GALNT18: variants seen among roughly 807,000 people sequenced by gnomAD.
GALNT18 encodes the protein polypeptide N-acetylgalactosaminyltransferase 18.
Under a neutral mutation model 69.5 loss-of-function variants are expected in GALNT18, and 44 were observed. That is an observed-to-expected ratio of 0.63 (90% CI 0.50 to 0.81). GALNT18 has a LOEUF of 0.81. GALNT18 is among the 40% of genes least tolerant of loss of function. GALNT18 has a pLI of 0.00. For missense variants in GALNT18, 715 were observed against 810.0 expected (o/e 0.88, Z 1.42); for synonymous variants, 364 against 318.2 (o/e 1.14, Z -1.53).
In GALNT18 at chr11:11,421,161, A is replaced by ATG. The variant is rs1252191977; in HGVS notation, c.595+11458_595+11459dup. On this transcript the variant is annotated intron_variant, in intron 3 of 10. Coordinates refer to ENST00000227756, the MANE Select transcript of GALNT18 (RefSeq NM_198516.3). The surrounding 1 kb of genome is among the most constrained non-coding windows in gnomAD (Gnocchi z 5.6). Reference sequence around the variant, plus strand: ...TCGAGTAAAGGGGACAAGAGGAGTGATGAGCTACCCACACCACTGCCAGGC... The same window carrying ATG: ...TCGAGTAAAGGGGACAAGAGGAGTGATGTGAGCTACCCACACCACTGCCAGGC... Among the ~76,000 whole-genome samples, 1 of 152,106 alleles carries ATG rather than the reference A, an allele frequency of 6.6e-6. No individual in the cohort carries two copies. The highest frequency in any genetic ancestry group is 1.5e-5 in the Non-Finnish European group (1 of 68,016).
intron 9 of GALNT18, among the ~76,000 whole-genome samples, chr11:11,296,221 C>A (rs909897699): frequency 6.6e-6 from 1 of 152,152 alleles, no homozygotes; most frequent in South Asian, 2.1e-4. Context: ...GAAACAATGA[C>A]CCCAATCACA....
chr11:11,589,123 G>A (rs1043539408), intron 1 of GALNT18, among the ~76,000 whole-genome samples: 7 of 152,160 alleles, frequency 4.6e-5, no homozygotes, highest in African/African-American at 1.7e-4. Flanking sequence ...GACTCTGCTG[G>A]TTAGCTCTCT....
At chr11:11,453,498 T>A (rs1166125051) in intron 1 of GALNT18, among the ~76,000 whole-genome samples, 1 of 152,108 alleles carries the variant, frequency 6.6e-6, no homozygotes, top group Non-Finnish European at 1.5e-5. Context: ...GCAAACCCTA[T>A]CCTAAACATC....
intron 1 of GALNT18, among the ~76,000 whole-genome samples, chr11:11,574,279 G>T (rs573534787): frequency 6.6e-6 from 1 of 152,266 alleles, no homozygotes; most frequent in East Asian, 1.9e-4. Flanking sequence ...AAAGTAGATG[G>T]CTTCTGAAGG....
chr11:11,271,204 C>T lies in GALNT18; in HGVS notation c.1764G>A (p.Leu588=), dbSNP rs368145861. 3.3e-5 allele frequency: 53 copies of T among 1,614,126 alleles called. No homozygotes were observed. In the African/African-American group the frequency reaches 5.9e-4, roughly 18 times the overall value. ...SDLEFGFQLV[L]QKCSGQHWSI... ...TCCAGTGCTGGCCCGAGCACTTCTG[C>T]AACACCAGCTGGAAGCCGAACTCCA... The change falls in exon 11 of 11, where the codon TTG becomes TTA. Residue 588 remains leucine (L), a synonymous_variant. Coordinates refer to ENST00000227756, the MANE Select transcript of GALNT18 (RefSeq NM_198516.3).
At chr11:11,443,156 CAT>C (rs1855569841) in intron 2 of GALNT18, among the ~76,000 whole-genome samples, 1 of 152,216 alleles carries the variant, frequency 6.6e-6, no homozygotes, top group African/African-American at 2.4e-5. Flanking sequence ...GGAGAGCACA[CAT>C]GTTCCACCTG....
intron 9 of GALNT18, among the ~76,000 whole-genome samples, chr11:11,316,453 G>T (rs1006942621): frequency 6.6e-5 from 10 of 152,142 alleles, no homozygotes; most frequent in African/African-American, 2.4e-4. Context: ...GCGGACACTG[G>T]GGCCAATACC....
chr11:11,312,450 G>A (rs1849687573), intron 9 of GALNT18, among the ~76,000 whole-genome samples: 1 of 152,168 alleles, frequency 6.6e-6, no homozygotes, highest in Non-Finnish European at 1.5e-5. Flanking sequence ...AAGCAGAAAT[G>A]GACCATCATA....
At chr11:11,412,723 T>G (rs1463927484) in intron 3 of GALNT18, among the ~76,000 whole-genome samples, 1 of 152,232 alleles carries the variant, frequency 6.6e-6, no homozygotes, top group Non-Finnish European at 1.5e-5. Flanking sequence ...GCAGATGCTG[T>G]TGATGCCCAA....
At chr11:11,518,813 G>A (rs976229841) in intron 1 of GALNT18, among the ~76,000 whole-genome samples, 4 of 151,534 alleles carry the variant, frequency 2.6e-5, no homozygotes, top group African/African-American at 9.8e-5. Context: ...GGACCCACCA[G>A]CTTCTCTAAG....
chr11:11,326,945 GA>G, intron 9 of GALNT18, 140 bp downstream of exon 9: 1 of 629,080 alleles, frequency 1.6e-6, no homozygotes, highest in South Asian at 2.0e-5. Flanking sequence ...GTGCCCTAAT[GA>G]AAAGCCCCAG....
chr11:11,500,642 A>G lies in GALNT18; in HGVS notation c.236-51706T>C, dbSNP rs906043614. 2.0e-5 allele frequency among the ~76,000 whole-genome samples: 3 copies of G among 152,238 alleles called. No individual in the cohort carries two copies. Among genetic ancestry groups the G allele is most frequent in the African/African-American group, 7.2e-5 (3 of 41,452 alleles). On this transcript the variant is annotated intron_variant, in intron 1 of 10. Transcript: ENST00000227756. This position sits in a 1 kb window ranked among gnomAD's most constrained non-coding sequence, Gnocchi z 5.0. ...GAAGGATCCAGTGCAAAATGGTGAC[A>G]GTGCCGAGCTAGAGAAGCCCTTCCC... is the stretch of plus-strand genomic sequence containing the variant.
In GALNT18 at chr11:11,543,785, G is replaced by A. The variant is rs1216986117; in HGVS notation, c.235+77574C>T. 6.6e-6 allele frequency among the ~76,000 whole-genome samples: 1 copy of A among 152,174 alleles called. No homozygotes were observed. Among genetic ancestry groups the A allele is most frequent in the African/African-American group, 2.4e-5 (1 of 41,432 alleles). ...GGCTCTGTGATGTGACTGGGGCCCC[G>A]AATGTGCCACGGTGGGTGGGTGTGG... On this transcript the variant is annotated intron_variant, in intron 1 of 10. Transcript: ENST00000227756. The surrounding 1 kb of genome is among the most constrained non-coding windows in gnomAD (Gnocchi z 5.1).
At chr11:11,331,073 A>G (rs536148029) in intron 8 of GALNT18, among the ~76,000 whole-genome samples, 73 of 152,330 alleles carry the variant, frequency 4.8e-4, no homozygotes, top group African/African-American at 1.7e-3. Context: ...AGTGTGGGGC[A>G]TCAAAGGCAG....
intron 3 of GALNT18, among the ~76,000 whole-genome samples, chr11:11,425,291 A>G (rs796667337): frequency 4.6e-5 from 7 of 152,260 alleles, no homozygotes; most frequent in African/African-American, 1.7e-4. Context: ...GGTCTGGGAG[A>G]GACAGAAGAT....
intron 1 of GALNT18, among the ~76,000 whole-genome samples, chr11:11,478,634 A>G (rs1480236244): frequency 6.6e-6 from 1 of 152,250 alleles, no homozygotes; most frequent in African/African-American, 2.4e-5. Flanking sequence ...AAAAAAATCA[A>G]TGCTAAATGC....
chr11:11,491,725 G>A (rs754277519), intron 1 of GALNT18, among the ~76,000 whole-genome samples: 20 of 152,172 alleles, frequency 1.3e-4, no homozygotes, highest in Admixed American at 2.6e-4. Flanking sequence ...TGTACCCTGG[G>A]AAGGCCAGCA....
rs1853813187 is a variant in GALNT18 at position 11,377,919 on chromosome 11, G to T, written c.780-540C>A. Among the ~76,000 whole-genome samples the T allele has an allele frequency of 6.6e-6, 1 of 152,168 alleles. No individual in the cohort carries two copies. The highest frequency in any genetic ancestry group is 2.4e-5 in the African/African-American group (1 of 41,434). The stretch of plus-strand genomic sequence containing the variant: ...CCAAAGCGTTTCCCAACCACCCAAG[G>T]AGGGGTGGGGCATTTGGGCTTTCCC... On this transcript the variant is annotated intron_variant, in intron 4 of 10. Coordinates refer to ENST00000227756, the MANE Select transcript of GALNT18 (RefSeq NM_198516.3). The surrounding 1 kb of genome is among the most constrained non-coding windows in gnomAD (Gnocchi z 4.6).
rs1855284373 is a variant in GALNT18 at position 11,432,364 on chromosome 11, T to C, written c.595+257A>G. On this transcript the variant is annotated intron_variant, in intron 3 of 10. Transcript: ENST00000227756. This position sits in a 1 kb window ranked among gnomAD's most constrained non-coding sequence, Gnocchi z 5.8. ...GGAGGTCAGGGCCTTCTATCTTATC[T>C]ATTGCACTGGAATATGGGAGGGGAG... is the stretch of plus-strand genomic sequence containing the variant. Among the ~76,000 whole-genome samples, 1 of 152,212 alleles carries C rather than the reference T, an allele frequency of 6.6e-6. No homozygotes were observed. The highest frequency in any genetic ancestry group is 6.5e-5 in the Admixed American group (1 of 15,282).
Sources: gnomAD v4.1 joint callset for allele counts (sites outside exome capture counted in the v4.1 genomes callset) on GRCh38, gnomAD v4.1.1 for gene constraint, Gnocchi (gnomAD v3.1) non-coding constraint, MANE v1.5 for transcripts, NCBI Gene and HGNC (gene_info 2026-07-23, HGNC 2026-07-21) for gene names.